Variants in TMCO4 observed in about 807,000 individuals in gnomAD.
TMCO4 encodes the protein transmembrane and coiled-coil domain-containing protein 4.
Under a neutral mutation model 64.7 loss-of-function variants are expected in TMCO4, and 58 were observed. The observed-to-expected ratio is 0.90, with a 90% CI of 0.73 to 1.12. The LOEUF is 1.12. Ranked by LOEUF, TMCO4 falls within the 50% of genes most tolerant of loss-of-function variation. TMCO4 has a pLI of 0.00. For missense variants in TMCO4, 780 were observed against 825.9 expected, an observed-to-expected ratio of 0.94 and a Z score of 0.68; for synonymous variants, 325 against 346.1, an observed-to-expected ratio of 0.94 and a Z score of 0.68.
At chr1:19,770,357 G>A (rs1424015877) in intron 6 of TMCO4, among the ~76,000 whole-genome samples, 185 bp downstream of exon 6, 1 of 152,172 alleles carries the variant, frequency 6.6e-6, no homozygotes, top group Non-Finnish European at 1.5e-5. Context: ...ACTCTGAGAA[G>A]CACCACACAG....
chr1:19,709,831 C>G (rs1273027377), intron 13 of TMCO4, among the ~76,000 whole-genome samples: 1 of 150,786 alleles, frequency 6.6e-6, no homozygotes, highest in African/African-American at 2.4e-5. Flanking sequence ...TCTTGTTGCC[C>G]AGGCTGGAGT....
At chr1:19,700,936 G>A (rs747046430) in intron 13 of TMCO4, 51 bp from the exon 14 acceptor site, 3 of 1,464,762 alleles carry the variant, frequency 2.0e-6, no homozygotes, top group Non-Finnish European at 1.9e-6. Flanking sequence ...CACATTGGGT[G>A]CTGGGAGGGA....
intron 6 of TMCO4, among the ~76,000 whole-genome samples, chr1:19,767,452 T>A (rs2042785290): frequency 6.6e-6 from 1 of 152,190 alleles, no homozygotes; most frequent in Admixed American, 6.5e-5. Flanking sequence ...TAAGACAGGC[T>A]GTTTTAAACC....
chr1:19,694,617 G>T, intron 14 of TMCO4, 66 bp from the exon 15 acceptor site: 1 of 1,471,414 alleles, frequency 6.8e-7, no homozygotes, highest in Non-Finnish European at 9.4e-7. Context: ...GACAGGACGG[G>T]CCAGGCTGCC....
chr1:19,743,059 T>A lies in TMCO4; in HGVS notation c.878-2118A>T, dbSNP rs1278529286. 6.6e-6 allele frequency among the ~76,000 whole-genome samples: 1 copy of A among 151,610 alleles called. No homozygotes were observed. ...GCAAGACTCCGTCTCCAAAAGAAAA[T>A]AAAAATAAAAAAAATAAAAAGGCGT... On this transcript the variant is annotated intron_variant, in intron 10 of 15. Coordinates refer to ENST00000294543, the MANE Select transcript of TMCO4 (RefSeq NM_181719.7). This position sits in a 1 kb window ranked among gnomAD's most constrained non-coding sequence, Gnocchi z 4.1.
intron 3 of TMCO4, among the ~76,000 whole-genome samples, chr1:19,781,862 G>T (rs1439004882): frequency 6.6e-6 from 1 of 152,134 alleles, no homozygotes; most frequent in Admixed American, 6.5e-5. Context: ...TAGCCAGGAT[G>T]GTCTCCATCT....
At chr1:19,723,706 T>C (rs957987899) in intron 13 of TMCO4, among the ~76,000 whole-genome samples, 7 of 152,072 alleles carry the variant, frequency 4.6e-5, no homozygotes, top group Admixed American at 2.6e-4. Context: ...ACCTGTAAAT[T>C]GAAGGTTTGG....
chr1:19,711,939 G>A (rs1035827636), intron 13 of TMCO4, among the ~76,000 whole-genome samples: 7 of 152,206 alleles, frequency 4.6e-5, no homozygotes, highest in Admixed American at 3.3e-4. Context: ...TTACAGGCAT[G>A]AGCCATGGTG....
intron 6 of TMCO4, among the ~76,000 whole-genome samples, chr1:19,758,481 G>A (rs2042362021): frequency 6.6e-6 from 1 of 152,202 alleles, no homozygotes; most frequent in Admixed American, 6.5e-5. Context: ...AGGCTGCAGT[G>A]ATTCACCTTC....
chr1:19,715,949 A>C (rs1262093643), intron 13 of TMCO4, among the ~76,000 whole-genome samples: 2 of 152,108 alleles, frequency 1.3e-5, no homozygotes, highest in African/African-American at 2.4e-5. Flanking sequence ...CCTGAGATGG[A>C]GCCATGAGTA....
intron 7 of TMCO4, among the ~76,000 whole-genome samples, chr1:19,750,553 A>C (rs1325629362): frequency 1.3e-5 from 2 of 152,124 alleles, no homozygotes; most frequent in East Asian, 3.9e-4. Flanking sequence ...AAATATAACC[A>C]TGACTACCTG....
intron 10 of TMCO4, 103 bp downstream of exon 10, chr1:19,745,429 G>T (rs574569346): frequency 1.3e-6 from 2 of 1,528,150 alleles, no homozygotes; most frequent in Non-Finnish European, 1.8e-6. Context: ...GCGAAATGGG[G>T]CTCCCTATAC....
intron 2 of TMCO4, among the ~76,000 whole-genome samples, chr1:19,793,566 C>T (rs906237608): frequency 3.9e-5 from 6 of 152,144 alleles, no homozygotes; most frequent in African/African-American, 7.2e-5. Flanking sequence ...ATATTGGAAG[C>T]GAGAGGTCAG....
intron 6 of TMCO4, among the ~76,000 whole-genome samples, chr1:19,762,308 G>A (rs966318597): frequency 6.6e-6 from 1 of 152,160 alleles, no homozygotes; most frequent in South Asian, 2.1e-4. Context: ...TAAAAGTTAC[G>A]TATCACGGGA....
At position 19,761,898 on chromosome 1, in the gene TMCO4, G is replaced by A. The variant is rs961433521; in HGVS notation, c.383-6132C>T. Among the ~76,000 whole-genome samples the A allele has an allele frequency of 3.3e-5, 5 of 152,230 alleles. No individual in the cohort carries two copies. The East Asian group carries it at 9.6e-4, about 29-fold the overall frequency. Reference sequence around the variant, plus strand: ...TGATGCTCCTCCTGCCACCTCTGCAGGGAAGGGAACCCGGCATCCCTGGCC... The same window carrying A: ...TGATGCTCCTCCTGCCACCTCTGCAAGGAAGGGAACCCGGCATCCCTGGCC... On this transcript the variant is annotated intron_variant, in intron 6 of 15. Coordinates refer to ENST00000294543, the MANE Select transcript of TMCO4 (RefSeq NM_181719.7).
chr1:19,766,014 TC>T (rs1456155037), intron 6 of TMCO4, among the ~76,000 whole-genome samples: 1 of 152,016 alleles, frequency 6.6e-6, no homozygotes, highest in African/African-American at 2.4e-5. Context: ...CACCCATCCT[TC>T]TATTGCTCTC....
rs537032155 is a variant in TMCO4, at chr1:19,716,481, C to T, written c.1265-15596G>A. 2.2e-4 allele frequency among the ~76,000 whole-genome samples: 33 copies of T among 150,374 alleles called. No homozygotes were observed. The South Asian group carries it at 6.9e-3, about 32-fold the overall frequency. ...TCCCGACCTCGTGATTTGCCTTCCTCGGCCTCCCAAAGTGCTGGGATTACA... is the reference window on the plus strand; with the variant it reads ...TCCCGACCTCGTGATTTGCCTTCCTTGGCCTCCCAAAGTGCTGGGATTACA... On this transcript the variant is annotated intron_variant, in intron 13 of 15. Transcript: ENST00000294543.
intron 13 of TMCO4, among the ~76,000 whole-genome samples, chr1:19,717,599 T>C (rs186407467): frequency 1.2e-3 from 183 of 152,336 alleles, no homozygotes; most frequent in Non-Finnish European, 2.1e-3. Flanking sequence ...CTGCAGTCAC[T>C]GGCCCTTCCC....
rs2095108635 is a variant in TMCO4, at chr1:19,682,346, A to G, written c.*694T>C. 2.4e-6 allele frequency: 1 copy of G among 411,448 alleles called. No individual in the cohort carries two copies. 25.5% of individuals were successfully genotyped at this position (411,448 alleles called of 1,614,324 possible). On this transcript the variant is annotated 3_prime_UTR_variant, in exon 16 of 16. Coordinates refer to ENST00000294543, the MANE Select transcript of TMCO4 (RefSeq NM_181719.7). The stretch of plus-strand genomic sequence containing the variant: ...GTCCCCAGGCCTAGTTCACAGCCAT[A>G]CTGAATGCAATTCAGCATGTATTCA...
Sources: gnomAD v4.1 joint callset for allele counts (sites outside exome capture counted in the v4.1 genomes callset) on GRCh38, gnomAD v4.1.1 for gene constraint, Gnocchi (gnomAD v3.1) non-coding constraint, MANE v1.5 for transcripts, NCBI Gene and HGNC (gene_info 2026-07-23, HGNC 2026-07-21) for gene names.